DPF3: variants seen among roughly 807,000 people sequenced by gnomAD.
DPF3 encodes the protein zinc finger protein DPF3.
DPF3 carries 18 observed loss-of-function variants against 56.8 expected under a neutral mutation model. That is an observed-to-expected ratio of 0.32 (90% CI 0.22 to 0.47). The LOEUF is 0.47. DPF3 is among the 20% of genes least tolerant of loss of function. The pLI is 1.00. For synonymous variants in DPF3, 188 were observed against 180.2 expected (o/e 1.04, Z -0.35); for missense variants, 403 against 488.8 (o/e 0.82, Z 1.65).
At chr14:72,711,588 T>A (rs754441709) in intron 6 of DPF3, among the ~76,000 whole-genome samples, 10 of 152,044 alleles carry the variant, frequency 6.6e-5, no homozygotes, top group Non-Finnish European at 1.2e-4. Context: ...AGTGTAGACC[T>A]GGAAGGGAAT....
chr14:72,752,062 G>A (rs1466729000), intron 3 of DPF3, among the ~76,000 whole-genome samples: 1 of 152,202 alleles, frequency 6.6e-6, no homozygotes, highest in African/African-American at 2.4e-5. Context: ...TCGTAACCCT[G>A]GAACTGTAGG....
intron 1 of DPF3, among the ~76,000 whole-genome samples, chr14:72,832,043 C>T (rs1370401800): frequency 6.6e-6 from 1 of 152,000 alleles, no homozygotes. Flanking sequence ...CATAACAAGA[C>T]CCCATCTCAA....
intron 1 of DPF3, among the ~76,000 whole-genome samples, chr14:72,865,798 G>A (rs1318630646): frequency 6.6e-6 from 1 of 152,222 alleles, no homozygotes; most frequent in Admixed American, 6.5e-5. Flanking sequence ...TGTAATCCCA[G>A]CCCTTTGGGA....
intron 6 of DPF3, among the ~76,000 whole-genome samples, chr14:72,705,507 C>A (rs1567206277): frequency 6.6e-6 from 1 of 152,182 alleles, no homozygotes; most frequent in Non-Finnish European, 1.5e-5. Flanking sequence ...CCCTCCGCCC[C>A]TGGTCCGTGG....
intron 1 of DPF3, among the ~76,000 whole-genome samples, chr14:72,809,601 A>T (rs1034589955): frequency 1.3e-5 from 2 of 152,160 alleles, no homozygotes; most frequent in Non-Finnish European, 2.9e-5. Flanking sequence ...CATGTGGCTG[A>T]TGGCAGGTCC....
intron 8 of DPF3, among the ~76,000 whole-genome samples, chr14:72,630,827 T>A (rs898089571): frequency 6.6e-6 from 1 of 152,226 alleles, no homozygotes; most frequent in African/African-American, 2.4e-5. Context: ...ACCCATTATA[T>A]GGTGCCTTGT....
intron 3 of DPF3, among the ~76,000 whole-genome samples, chr14:72,747,720 G>T (rs180899244): frequency 6.6e-6 from 1 of 152,068 alleles, no homozygotes; most frequent in Non-Finnish European, 1.5e-5. Context: ...ACGTGGGAGG[G>T]ACCCAGTGGG....
At chr14:72,627,283 C>T (rs761772287) in intron 9 of DPF3, among the ~76,000 whole-genome samples, 1 of 152,022 alleles carries the variant, frequency 6.6e-6, no homozygotes, top group Non-Finnish European at 1.5e-5. Context: ...CGTGGTTTTA[C>T]TTTGTACATT....
At chr14:72,664,526 G>A (rs1294262910) in intron 8 of DPF3, among the ~76,000 whole-genome samples, 2 of 151,932 alleles carry the variant, frequency 1.3e-5, no homozygotes, top group Non-Finnish European at 2.9e-5. Context: ...CTGCAAGAAG[G>A]CATAGTTTTC....
intron 4 of DPF3, among the ~76,000 whole-genome samples, chr14:72,728,396 G>C (rs943803958): frequency 2.0e-5 from 3 of 152,084 alleles, no homozygotes; most frequent in African/African-American, 7.2e-5. Context: ...CCAGATAAAG[G>C]GCACAGCGGG....
At chr14:72,654,823 G>A (rs1246263289) in intron 8 of DPF3, among the ~76,000 whole-genome samples, 1 of 152,094 alleles carries the variant, frequency 6.6e-6, no homozygotes, top group Non-Finnish European at 1.5e-5. Context: ...GTATATGTTT[G>A]ATTCATTTAT....
chr14:72,814,836 A>G (rs1883216848), intron 1 of DPF3, among the ~76,000 whole-genome samples: 1 of 152,118 alleles, frequency 6.6e-6, no homozygotes, highest in Admixed American at 6.6e-5. Flanking sequence ...TTAACTCGAC[A>G]TGGATCGTAG....
intron 6 of DPF3, among the ~76,000 whole-genome samples, chr14:72,708,893 G>A (rs1046557357): frequency 2.0e-5 from 3 of 152,224 alleles, no homozygotes; most frequent in African/African-American, 7.2e-5. Flanking sequence ...AGGCGCCACT[G>A]TGTGGGGAAG....
At chr14:72,704,544 C>G (rs891115396) in intron 6 of DPF3, among the ~76,000 whole-genome samples, 2 of 152,108 alleles carry the variant, frequency 1.3e-5, no homozygotes. Flanking sequence ...TGAGGTAGGC[C>G]TTCTTCCACC....
At chr14:72,876,931 T>G (rs1430518130) in intron 1 of DPF3, among the ~76,000 whole-genome samples, 1 of 152,230 alleles carries the variant, frequency 6.6e-6, no homozygotes, top group South Asian at 2.1e-4. Context: ...CTTTTCCTCC[T>G]TCCCTCTCCC....
At chr14:72,857,332 A>G (rs974520649) in intron 1 of DPF3, among the ~76,000 whole-genome samples, 2 of 152,222 alleles carry the variant, frequency 1.3e-5, no homozygotes, top group Non-Finnish European at 2.9e-5. Flanking sequence ...AGCAAAAGTT[A>G]TAAACTTATT....
intron 1 of DPF3, among the ~76,000 whole-genome samples, chr14:72,794,138 G>C (rs1172827254): frequency 6.6e-6 from 1 of 152,228 alleles, no homozygotes; most frequent in Non-Finnish European, 1.5e-5. Context: ...GTTGAACTCT[G>C]TGAGCTTCAC....
intron 2 of DPF3, among the ~76,000 whole-genome samples, chr14:72,768,906 G>T (rs957625674): frequency 6.7e-6 from 1 of 149,670 alleles, no homozygotes; most frequent in Admixed American, 6.7e-5. Flanking sequence ...TAGTCATATT[G>T]TTTGTTCTGA....
intron 1 of DPF3, among the ~76,000 whole-genome samples, chr14:72,855,102 G>A (rs560328351): frequency 1.3e-5 from 2 of 152,296 alleles, no homozygotes; most frequent in African/African-American, 4.8e-5. Flanking sequence ...CAGGTAGGAG[G>A]GGTGGAGAGA....
Sources: allele counts gnomAD v4.1 joint callset (sites outside exome capture counted in the v4.1 genomes callset), GRCh38; gene constraint gnomAD v4.1.1; transcripts MANE v1.5; gene names NCBI Gene and HGNC (gene_info 2026-07-23, HGNC 2026-07-21).